Variants in UTRN observed in about 807,000 individuals in gnomAD.
UTRN encodes the protein utrophin.
Under a neutral mutation model 463.9 loss-of-function variants are expected in UTRN, and 283 were observed. The observed-to-expected ratio is 0.61, with a 90% confidence interval of 0.55 to 0.67. The LOEUF (loss-of-function observed/expected upper bound fraction) is 0.67, where lower values mean the gene tolerates loss of function less well. UTRN is among the 30% of genes least tolerant of loss of function. The pLI is 0.00. For synonymous variants in UTRN, 1,442 were observed against 1,431.5 expected, an observed-to-expected ratio of 1.01 and a Z score of -0.17; for missense variants, 3,922 against 4,084.3, an observed-to-expected ratio of 0.96 and a Z score of 1.08.
chr6:144,339,557 C>CT lies in UTRN; in HGVS notation c.79+47660dup, dbSNP rs111755283. On this transcript the variant is annotated intron_variant, in intron 2 of 74. Coordinates refer to ENST00000367545, the MANE Select transcript of UTRN (RefSeq NM_007124.3). ...ACATGAGAACTCTGTGTACTCTTTT[C>CT]TTTTTTTTTTAACCACTTCTTTTAT... is the stretch of plus-strand genomic sequence containing the variant. Among the ~76,000 whole-genome samples, 798 of 147,830 alleles carry CT rather than the reference C, an allele frequency of 5.4e-3. 5 individuals carry two copies. Among genetic ancestry groups the CT allele is most frequent in the African/African-American group, 0.015 (624 of 40,588 alleles).
intron 2 of UTRN, among the ~76,000 whole-genome samples, chr6:144,367,599 G>A (rs1400644474): frequency 1.3e-5 from 2 of 152,128 alleles, no homozygotes; most frequent in Non-Finnish European, 2.9e-5. Flanking sequence ...CAGATGTAGC[G>A]ATAGCATAGT....
rs574586348 is a variant in UTRN at position 144,705,095 on chromosome 6, A to T, written c.7809+4852A>T. The stretch of plus-strand genomic sequence containing the variant: ...TTTAATGTGAGACACAAGATCTGTA[A>T]TGTAGATAATCTACTGTGAATTGTG... On this transcript the variant is annotated intron_variant, in intron 53 of 74. Transcript: ENST00000367545. 2.6e-5 allele frequency among the ~76,000 whole-genome samples: 4 copies of T among 152,328 alleles called. No homozygotes were observed. In the East Asian group the frequency reaches 7.7e-4, roughly 29 times the overall value.
chr6:144,291,194 A>G (rs748315802), intron 1 of UTRN, among the ~76,000 whole-genome samples: 20 of 152,148 alleles, frequency 1.3e-4, no homozygotes, highest in Non-Finnish European at 2.8e-4. Context: ...CCATGGTCCT[A>G]TCCCTGGTCC....
At chr6:144,563,435 G>A (rs903947249) in intron 50 of UTRN, among the ~76,000 whole-genome samples, 2 of 152,076 alleles carry the variant, frequency 1.3e-5, no homozygotes, top group African/African-American at 4.8e-5. Flanking sequence ...TACTTATATT[G>A]GGATTGTTTC....
intron 51 of UTRN, among the ~76,000 whole-genome samples, chr6:144,621,637 G>A (rs913496975): frequency 1.3e-5 from 2 of 152,148 alleles, no homozygotes; most frequent in African/African-American, 2.4e-5. Context: ...TGTGAAACAG[G>A]TGGATGTTGC....
chr6:144,736,427 A>G (rs1789405400), intron 54 of UTRN, among the ~76,000 whole-genome samples: 1 of 152,174 alleles, frequency 6.6e-6, no homozygotes, highest in Admixed American at 6.5e-5. Flanking sequence ...ACTTTCCTCC[A>G]TGATTTTTAT....
At chr6:144,465,929 A>G (rs559765077) in intron 23 of UTRN, among the ~76,000 whole-genome samples, 10 of 152,358 alleles carry the variant, frequency 6.6e-5, no homozygotes, top group African/African-American at 2.4e-4. Flanking sequence ...TTTTCATTAC[A>G]TGAGTAGTAC....
At chr6:144,438,667 C>T (rs1188063566) in intron 11 of UTRN, 78 bp from the exon 12 acceptor site, 39 of 1,566,606 alleles carry the variant, frequency 2.5e-5, no homozygotes, top group Non-Finnish European at 3.2e-5. Flanking sequence ...TGCCCTGTAT[C>T]TCCGGTGCCC....
chr6:144,602,816 A>C (rs180744872), intron 51 of UTRN, among the ~76,000 whole-genome samples: 1 of 152,234 alleles, frequency 6.6e-6, no homozygotes, highest in East Asian at 1.9e-4. Flanking sequence ...AGAATGTTGA[A>C]TTAAATGACA....
chr6:144,831,374 AG>A (rs1037238121), intron 69 of UTRN, among the ~76,000 whole-genome samples: 1 of 152,188 alleles, frequency 6.6e-6, no homozygotes, highest in Non-Finnish European at 1.5e-5. Context: ...GTAGCAATGG[AG>A]GCAGAGGTCA....
chr6:144,436,089 A>G lies in UTRN; in HGVS notation c.1010A>G (p.Asp337Gly), dbSNP rs1333102754. The change falls in exon 10 of 75, where the codon GAT becomes GGT. Residue 337 changes from aspartate (D) to glycine (G), a missense_variant. Asp to Gly is a moderately conservative substitution (Grantham distance 94, BLOSUM62 -1). Transcript: ENST00000367545. ...SAEDTFQEQD[D>G]ISDDVEEVKD... The stretch of plus-strand genomic sequence containing the variant: ...GAGGACACTTTCCAGGAGCAGGATG[A>G]TATTTCTGATGATGTTGAAGAAGTC... 4 of 1,614,200 alleles carry G rather than the reference A, an allele frequency of 2.5e-6. No homozygotes were observed. Among genetic ancestry groups the G allele is most frequent in the South Asian group, 2.2e-5 (2 of 91,084 alleles).
At chr6:144,654,295 C>G (rs944066130) in intron 51 of UTRN, among the ~76,000 whole-genome samples, 1 of 152,174 alleles carries the variant, frequency 6.6e-6, no homozygotes, top group African/African-American at 2.4e-5. Flanking sequence ...GGATTAGCCT[C>G]CAAGCATGAG....
At chr6:144,621,824 T>C (rs373292793) in intron 51 of UTRN, among the ~76,000 whole-genome samples, 1 of 152,144 alleles carries the variant, frequency 6.6e-6, no homozygotes, top group Non-Finnish European at 1.5e-5. Context: ...GCTGATCTGT[T>C]TGGTTTATGG....
intron 1 of UTRN, among the ~76,000 whole-genome samples, chr6:144,288,595 C>T (rs1803903911): frequency 1.3e-5 from 2 of 150,154 alleles, no homozygotes; most frequent in South Asian, 4.2e-4. Flanking sequence ...TTTAGCAAAT[C>T]CTTTATAGTT....
At chr6:144,683,910 G>C (rs1161463516) in intron 52 of UTRN, among the ~76,000 whole-genome samples, 1 of 152,086 alleles carries the variant, frequency 6.6e-6, no homozygotes, top group Non-Finnish European at 1.5e-5. Flanking sequence ...ATTAAGCATT[G>C]CTTCTCCATC....
rs1021065018 is a variant in UTRN at position 144,517,078 on chromosome 6, G to A, written c.5541+130G>A. 3 of 767,718 alleles carry A rather than the reference G, an allele frequency of 3.9e-6. No homozygotes were observed. In the African/African-American group the frequency reaches 5.4e-5, roughly 14 times the overall value. The allele number at this position is 767,718 out of a possible 1,614,324, so 47.6% of individuals were successfully genotyped here. On this transcript the variant is annotated intron_variant, in intron 39 of 74. Coordinates refer to ENST00000367545, the MANE Select transcript of UTRN (RefSeq NM_007124.3). ...AATATCATCTCCTCCTTTCTAGTGT[G>A]TGTTACTAGATGTGTTCATATTTTT...
intron 53 of UTRN, among the ~76,000 whole-genome samples, chr6:144,703,301 AC>A (rs1316037354): frequency 1.3e-5 from 2 of 152,302 alleles, no homozygotes; most frequent in East Asian, 3.9e-4. Context: ...TCGATGTTTG[AC>A]ATGTTAAGCT....
At position 144,332,229 on chromosome 6, in the gene UTRN, CT is replaced by C. The variant is rs1776386084; in HGVS notation, c.79+40325del. Among the ~76,000 whole-genome samples, 3 of 152,314 alleles carry C rather than the reference CT, an allele frequency of 2.0e-5. No homozygotes were observed. The South Asian group carries it at 6.2e-4, about 32-fold the overall frequency. On this transcript the variant is annotated intron_variant, in intron 2 of 74. Transcript: ENST00000367545. ...TTGCTTTTGTTCACTTGTTTGTTTA[CT>C]TTAGTGTTGATAGGTCCCCAAGACT...
intron 51 of UTRN, among the ~76,000 whole-genome samples, chr6:144,588,789 T>C (rs1280664182): frequency 1.3e-5 from 2 of 152,210 alleles, no homozygotes; most frequent in African/African-American, 4.8e-5. Flanking sequence ...TTAGTATATT[T>C]GGTAGTTTAT....
Sources: allele counts gnomAD v4.1 joint callset (sites outside exome capture counted in the v4.1 genomes callset), GRCh38; gene constraint gnomAD v4.1.1; transcripts MANE v1.5; gene names NCBI Gene and HGNC (gene_info 2026-07-23, HGNC 2026-07-21).